The following PRIM2 variants were observed in gnomAD, a reference collection of about 807,000 sequenced individuals.
PRIM2 encodes the protein DNA primase subunit 2, also known as DNA primase large subunit.
In PRIM2, 39 loss-of-function variants were observed where a neutral mutation model predicts 67.3. The ratio of observed to expected loss-of-function variants is 0.58; its 90% CI spans 0.45 to 0.76. The LOEUF is 0.76. Ranked by LOEUF, PRIM2 falls within the 30% of genes least tolerant of loss-of-function variation. The probability of loss-of-function intolerance (pLI) is 0.00; values close to 1 mark genes in which losing one functional copy is unlikely to be tolerated. For synonymous variants in PRIM2, 143 were observed against 198.7 expected, an observed-to-expected ratio of 0.72 and a Z score of 2.36; for missense variants, 398 against 598.7, an observed-to-expected ratio of 0.66 and a Z score of 3.50.
chr6:57,321,829 A>T (rs921326597), intron 3 of PRIM2, among the ~76,000 whole-genome samples: 2 of 152,208 alleles, frequency 1.3e-5, no homozygotes, highest in African/African-American at 4.8e-5. Flanking sequence ...GATACAGCCT[A>T]TTTATTCACA....
At chr6:57,295,694 G>A in the PRIM2 span, among the ~76,000 whole-genome samples, 1 of 152,194 alleles carries the variant, frequency 6.6e-6, no homozygotes, top group Non-Finnish European at 1.5e-5. Context: ...CCTCCTGAGT[G>A]CCAAATCTTA....
intron 7 of PRIM2, among the ~76,000 whole-genome samples, chr6:57,455,630 A>G (rs1240727451): frequency 6.6e-6 from 1 of 151,496 alleles, no homozygotes; most frequent in African/African-American, 2.4e-5. Flanking sequence ...TTTGTTTTCC[A>G]TTTGCTTGGT....
intron 10 of PRIM2, among the ~76,000 whole-genome samples, chr6:57,574,400 T>C (rs1451938527): frequency 1.3e-5 from 2 of 152,188 alleles, no homozygotes; most frequent in African/African-American, 2.4e-5. Context: ...GTCTACACTT[T>C]CCTTGCTTGT....
At chr6:57,367,871 C>T (rs150355326) in intron 5 of PRIM2, among the ~76,000 whole-genome samples, 39 of 152,206 alleles carry the variant, frequency 2.6e-4, no homozygotes, top group Admixed American at 1.2e-3. Flanking sequence ...GGGCATCACT[C>T]GTTCCTGTCA....
At chr6:57,603,870 GTTC>G (rs1239137227) in intron 11 of PRIM2, among the ~76,000 whole-genome samples, 3 of 152,032 alleles carry the variant, frequency 2.0e-5, no homozygotes, top group African/African-American at 7.2e-5. Context: ...GCGTTTTGTA[GTTC>G]TTCTTGTAGA....
intron 7 of PRIM2, among the ~76,000 whole-genome samples, chr6:57,445,682 T>G (rs1772342130): frequency 6.6e-6 from 1 of 152,214 alleles, no homozygotes; most frequent in Non-Finnish European, 1.5e-5. Context: ...GTTATACTTC[T>G]TTATTAATTC....
At chr6:57,617,731 A>G (rs1429895994) in intron 12 of PRIM2, among the ~76,000 whole-genome samples, 78 of 152,228 alleles carry the variant, frequency 5.1e-4, no homozygotes, top group African/African-American at 1.8e-3. Context: ...CTTAATGTCT[A>G]TTGGTGGACA....
intron 5 of PRIM2, among the ~76,000 whole-genome samples, chr6:57,331,935 T>C (rs1369969990): frequency 6.6e-6 from 1 of 151,694 alleles, no homozygotes; most frequent in Admixed American, 6.6e-5. Flanking sequence ...TCCTTCCTTC[T>C]GCTTGCTTTG....
chr6:57,625,975 G>A (rs1776943580), intron 12 of PRIM2, among the ~76,000 whole-genome samples: 1 of 152,234 alleles, frequency 6.6e-6, no homozygotes, highest in African/African-American at 2.4e-5. Context: ...TGAAATATGG[G>A]AAGGTTAGAA....
chr6:57,238,408 C>T, the PRIM2 span, among the ~76,000 whole-genome samples: 11,281 of 152,176 alleles, frequency 0.074, 1,440 homozygotes, highest in African/African-American at 0.26. Context: ...GATTAAGAAA[C>T]TCACTCAAAA....
At position 57,405,282 on chromosome 6, in the gene PRIM2, C is replaced by A. The variant is rs541477588; in HGVS notation, c.693+23114C>A. On this transcript the variant is annotated intron_variant, in intron 7 of 13. Coordinates refer to ENST00000615550, the MANE Select transcript of PRIM2 (RefSeq NM_000947.5). ...TTAGTTTTCCAATTTAGAAATTTTG[C>A]ACAGGGGAGCTGGGCATATGTAAAT... Among the ~76,000 whole-genome samples, 23 of 152,380 alleles carry A rather than the reference C, an allele frequency of 1.5e-4. No individual in the cohort carries two copies. In the East Asian group the frequency reaches 4.2e-3, roughly 28 times the overall value.
intron 10 of PRIM2, among the ~76,000 whole-genome samples, chr6:57,581,105 G>A (rs1776076779): frequency 6.6e-6 from 1 of 152,110 alleles, no homozygotes; most frequent in Non-Finnish European, 1.5e-5. Context: ...GTGAAGAAAA[G>A]GCAGCTTCTC....
the PRIM2 span, among the ~76,000 whole-genome samples, chr6:57,263,867 T>C: frequency 1.3e-5 from 2 of 152,220 alleles, no homozygotes; most frequent in Admixed American, 1.3e-4. Context: ...TGTCCCATAA[T>C]AGGTTTGATA....
At chr6:57,567,687 T>C (rs1326644166) in intron 10 of PRIM2, among the ~76,000 whole-genome samples, 1 of 152,106 alleles carries the variant, frequency 6.6e-6, no homozygotes, top group African/African-American at 2.4e-5. Context: ...CTTTGCCTTT[T>C]CCCCCCGTTT....
the PRIM2 span, among the ~76,000 whole-genome samples, chr6:57,255,393 G>C: frequency 1.3e-5 from 2 of 151,872 alleles, no homozygotes; most frequent in Admixed American, 1.3e-4. Context: ...AGCTACTCGG[G>C]AGGCTGATGC....
At chr6:57,291,856 A>G in the PRIM2 span, among the ~76,000 whole-genome samples, 2 of 152,204 alleles carry the variant, frequency 1.3e-5, no homozygotes, top group Non-Finnish European at 2.9e-5. Flanking sequence ...TCAAAATAAT[A>G]AGAGCTATTT....
chr6:57,234,926 G>A, the PRIM2 span, among the ~76,000 whole-genome samples: 3 of 152,270 alleles, frequency 2.0e-5, no homozygotes, highest in African/African-American at 7.2e-5. Context: ...TCATCTCAAC[G>A]CTTTGAAAGG....
chr6:57,575,484 G>A (rs1775946831), intron 10 of PRIM2, among the ~76,000 whole-genome samples: 1 of 152,136 alleles, frequency 6.6e-6, no homozygotes, highest in African/African-American at 2.4e-5. Context: ...CTCTGCATAG[G>A]GAATCAGCAG....
intron 7 of PRIM2, among the ~76,000 whole-genome samples, chr6:57,445,570 A>T (rs1052552869): frequency 3.3e-5 from 5 of 151,888 alleles, no homozygotes; most frequent in African/African-American, 4.8e-5. Flanking sequence ...GCCTGTGCAC[A>T]CCCCCAACCC....
Sources: allele counts gnomAD v4.1 joint callset (sites outside exome capture counted in the v4.1 genomes callset), GRCh38; gene constraint gnomAD v4.1.1; transcripts MANE v1.5; gene names NCBI Gene and HGNC (gene_info 2026-07-23, HGNC 2026-07-21).